The following FRYL variants were observed in gnomAD, a reference collection of about 807,000 sequenced individuals.
FRYL encodes protein furry homolog-like.
Under a neutral mutation model 351.2 loss-of-function variants are expected in FRYL, and 150 were observed. The ratio of observed to expected loss-of-function variants is 0.43; its 90% CI spans 0.37 to 0.49. FRYL has a LOEUF of 0.49. FRYL is among the 20% of genes least tolerant of loss of function. FRYL has a pLI of 0.00. For missense variants in FRYL, 3,036 were observed against 3,619.3 expected, an observed-to-expected ratio of 0.84 and a Z score of 4.13; for synonymous variants, 1,153 against 1,257.1, an observed-to-expected ratio of 0.92 and a Z score of 1.75.
intron 2 of FRYL, among the ~76,000 whole-genome samples, chr4:48,686,135 A>T (rs1183318341): frequency 6.6e-6 from 1 of 152,306 alleles, no homozygotes; most frequent in Admixed American, 6.5e-5. Flanking sequence ...GTTGCATATT[A>T]GTTTTTCTCT....
At chr4:48,734,371 A>T (rs1363818359) in intron 1 of FRYL, among the ~76,000 whole-genome samples, 7 of 152,134 alleles carry the variant, frequency 4.6e-5, no homozygotes, top group Admixed American at 4.6e-4. Context: ...ACAATACTAA[A>T]TGTGTGTGTG....
chr4:48,688,807 C>T (rs1387820358), intron 2 of FRYL, among the ~76,000 whole-genome samples: 2 of 151,850 alleles, frequency 1.3e-5, no homozygotes, highest in Admixed American at 6.6e-5. Flanking sequence ...GGATTACAGG[C>T]GTGTGCCACC....
intron 24 of FRYL, among the ~76,000 whole-genome samples, chr4:48,575,608 A>G (rs1302999580): frequency 6.6e-6 from 1 of 152,218 alleles, no homozygotes; most frequent in East Asian, 1.9e-4. Context: ...AAGTTTTGTC[A>G]TTTTCATGAA....
rs1213180680 is a variant in FRYL at position 48,563,999 on chromosome 4, C to T, written c.3545G>A (p.Gly1182Glu). The T allele has an allele frequency of 6.2e-6, 10 of 1,614,128 alleles. No individual in the cohort carries two copies. Among genetic ancestry groups the T allele is most frequent in the Non-Finnish European group, 8.5e-6 (10 of 1,180,006 alleles). ...WAVDRCYTGS[G>E]RVAAGCFKAI... ...TTTAAAGCAGCCGGCCGCCACCCTC[C>T]CGGAGCCCGTGTAGCAGCGGTCCAC... Residue 1182 changes from glycine (G) to glutamate (E), a missense_variant, in exon 31 of 64, where the codon GGG becomes GAG. Physicochemically the swap from Gly to Glu is moderately conservative, Grantham distance 98. Transcript: ENST00000358350.
At chr4:48,658,035 C>G (rs868476278) in intron 3 of FRYL, among the ~76,000 whole-genome samples, 7 of 152,246 alleles carry the variant, frequency 4.6e-5, no homozygotes, top group Non-Finnish European at 1.0e-4. Context: ...GAGGTACATT[C>G]CAATACACCA....
intron 11 of FRYL, among the ~76,000 whole-genome samples, chr4:48,604,497 G>C (rs1746343876): frequency 6.6e-6 from 1 of 152,136 alleles, no homozygotes; most frequent in Non-Finnish European, 1.5e-5. Context: ...GGGGAAATTT[G>C]GACACAGACA....
At chr4:48,624,262 G>A (rs1193917314) in intron 4 of FRYL, among the ~76,000 whole-genome samples, 1 of 151,996 alleles carries the variant, frequency 6.6e-6, no homozygotes, top group African/African-American at 2.4e-5. Context: ...TCCATCTGCT[G>A]ATTTTTTTAC....
chr4:48,535,201 G>A (rs1728599110), intron 48 of FRYL, among the ~76,000 whole-genome samples: 1 of 152,022 alleles, frequency 6.6e-6, no homozygotes, highest in South Asian at 2.1e-4. Context: ...TTTGTATGCT[G>A]TAATTATTAT....
chr4:48,601,995 T>A (rs756866680), intron 13 of FRYL, 25 bp downstream of exon 13: 1 of 1,271,654 alleles, frequency 7.9e-7, no homozygotes, highest in South Asian at 1.2e-5. Context: ...AGTATTTACA[T>A]ATCAGAAGTG....
rs535264218 is a variant in FRYL, at chr4:48,726,201, C to T, written c.-383-15503G>A. Among the ~76,000 whole-genome samples the T allele has an allele frequency of 2.0e-4, 30 of 152,310 alleles. No individual in the cohort carries two copies. The South Asian group carries it at 6.2e-3, about 32-fold the overall frequency. On this transcript the variant is annotated intron_variant, in intron 1 of 63. Transcript: ENST00000358350. ...AATCAGGGTTAGAGATGACAAGACA[C>T]TTTCAAGAAAACACGAAGCAAGTAA...
At chr4:48,701,697 C>T (rs1766737599) in intron 2 of FRYL, among the ~76,000 whole-genome samples, 1 of 152,178 alleles carries the variant, frequency 6.6e-6, no homozygotes, top group Non-Finnish European at 1.5e-5. Context: ...TACATTTACT[C>T]TAGAAAGATA....
At chr4:48,548,556 A>T in intron 40 of FRYL, 134 bp downstream of exon 40, 1 of 620,968 alleles carries the variant, frequency 1.6e-6, no homozygotes. Flanking sequence ...CAGAGGAATC[A>T]TAGTGAAAAG....
intron 23 of FRYL, among the ~76,000 whole-genome samples, chr4:48,577,556 A>G (rs1373827256): frequency 6.6e-6 from 1 of 152,180 alleles, no homozygotes; most frequent in Non-Finnish European, 1.5e-5. Context: ...AAATAAAACA[A>G]TGTCAGATGG....
intron 19 of FRYL, among the ~76,000 whole-genome samples, chr4:48,584,647 T>C (rs1741703832): frequency 6.6e-6 from 1 of 152,264 alleles, no homozygotes. Flanking sequence ...TAAATATCTA[T>C]CTTACTCCTA....
chr4:48,606,632 T>TGA (rs752981162), intron 9 of FRYL, 26 bp from the exon 10 acceptor site: 12 of 1,546,004 alleles, frequency 7.8e-6, no homozygotes, highest in Non-Finnish European at 7.9e-6. Flanking sequence ...AGACATCATT[T>TGA]GATTTGAATT....
intron 38 of FRYL, among the ~76,000 whole-genome samples, chr4:48,550,255 G>A (rs1732395040): frequency 6.6e-6 from 1 of 152,128 alleles, no homozygotes; most frequent in Admixed American, 6.5e-5. Flanking sequence ...ATTGCCAAGG[G>A]AGAATCTTTT....
chr4:48,543,313 G>T (rs1314660277), intron 44 of FRYL, among the ~76,000 whole-genome samples: 1 of 152,006 alleles, frequency 6.6e-6, no homozygotes, highest in East Asian at 1.9e-4. Context: ...TGTATAATTG[G>T]AAGACTAAAG....
chr4:48,658,717 G>T lies in FRYL; in HGVS notation c.-80-24227C>A, dbSNP rs186278159. ...CGCAGTGAGCCATGAATGCGCCACT[G>T]CACTCCTGCCTGAGTGACAGTGAGA... is the stretch of plus-strand genomic sequence containing the variant. On this transcript the variant is annotated intron_variant, in intron 3 of 63. Transcript: ENST00000358350. 1.5e-3 allele frequency among the ~76,000 whole-genome samples: 232 copies of T among 150,918 alleles called. 3 individuals are homozygous for T. The highest frequency in any genetic ancestry group is 0.013 in the South Asian group (61 of 4,732).
At position 48,612,087 on chromosome 4, in the gene FRYL, A is replaced by G. The variant is rs75436487; in HGVS notation, c.412-2264T>C. Among the ~76,000 whole-genome samples the G allele has an allele frequency of 2.8e-3, 431 of 152,306 alleles. 2 individuals are homozygous for G. Among genetic ancestry groups the G allele is most frequent in the Non-Finnish European group, 5.1e-3 (350 of 68,018 alleles). ...CCTCTACAATCCTTACTAAATAACC[A>G]TTACATTCCATTAGTTTTCTGCATA... is the stretch of plus-strand genomic sequence containing the variant. On this transcript the variant is annotated intron_variant, in intron 7 of 63. Transcript: ENST00000358350.
Sources: allele counts gnomAD v4.1 joint callset (sites outside exome capture counted in the v4.1 genomes callset), GRCh38; gene constraint gnomAD v4.1.1; transcripts MANE v1.5; gene names NCBI Gene and HGNC (gene_info 2026-07-23, HGNC 2026-07-21).